Variants in GSTCD observed in about 807,000 individuals in gnomAD.
The protein encoded by GSTCD is glutathione S-transferase C-terminal domain-containing protein.
GSTCD carries 44 observed loss-of-function variants against 68.3 expected under a neutral mutation model. The ratio of observed to expected loss-of-function variants is 0.64; its 90% CI spans 0.51 to 0.83. The LOEUF is 0.83. Among genes scored for constraint, GSTCD ranks in the 40% least tolerant of loss-of-function variants. GSTCD has a pLI of 0.00. For synonymous variants in GSTCD, 273 were observed against 255.2 expected, an observed-to-expected ratio of 1.07 and a Z score of -0.67; for missense variants, 739 against 735.9, an observed-to-expected ratio of 1.00 and a Z score of -0.05.
At position 105,751,406 on chromosome 4, in the gene GSTCD, A is replaced by G. The variant is rs17036185; in HGVS notation, c.1240+21907A>G. On this transcript the variant is annotated intron_variant, in intron 5 of 11. Transcript: ENST00000515279. ...TGTAAATCAAATGATAGTTTAATAC[A>G]AGGCAAGAGCTGCAAAGACATCTGA... Among the ~76,000 whole-genome samples the G allele has an allele frequency of 5.9e-3, 892 of 152,326 alleles. 53 individuals carry two copies. In the East Asian group the frequency reaches 0.14, roughly 24 times the overall value.
intron 5 of GSTCD, among the ~76,000 whole-genome samples, chr4:105,763,040 A>G (rs1734472968): frequency 6.6e-6 from 1 of 152,194 alleles, no homozygotes; most frequent in Non-Finnish European, 1.5e-5. Context: ...CACATTAGGA[A>G]CCAACATCAA....
At position 105,831,513 on chromosome 4, in the gene GSTCD, T is replaced by TA. The variant is rs933765928; in HGVS notation, c.1531-2940dup. Among the ~76,000 whole-genome samples, 17 of 152,124 alleles carry TA rather than the reference T, an allele frequency of 1.1e-4. No individual in the cohort carries two copies. In the South Asian group the frequency reaches 3.3e-3, roughly 30 times the overall value. ...TTGAGATTAAATCTTGGCTCTTTGTTAAAAAAAATATTAACAATTATTTCT... is the reference window on the plus strand; with the variant it reads ...TTGAGATTAAATCTTGGCTCTTTGTTAAAAAAAAATATTAACAATTATTTCT... On this transcript the variant is annotated intron_variant, in intron 8 of 11. Transcript: ENST00000515279.
intron 5 of GSTCD, among the ~76,000 whole-genome samples, chr4:105,788,912 G>A (rs564568649): frequency 1.3e-5 from 2 of 152,086 alleles, no homozygotes; most frequent in South Asian, 4.2e-4. Flanking sequence ...GTGGACAAAT[G>A]TGAATTTCGG....
chr4:105,719,132 G>C lies in GSTCD; in HGVS notation c.499G>C (p.Asp167His). 6.2e-7 allele frequency: 1 copy of C among 1,614,054 alleles called. No individual in the cohort carries two copies. Among genetic ancestry groups the C allele is most frequent in the Non-Finnish European group, 8.5e-7 (1 of 1,179,986 alleles). ...AIENFLRESS[D>H]QPPTIPVEIL... ...TGAGAATTTTCTCAGAGAATCTTCT[G>C]ACCAGCCCCCAACTATACCTGTAGA... The change falls in exon 3 of 12, where the codon GAC (aspartate) becomes CAC (histidine). Residue 167 changes from aspartate to histidine, a missense_variant. By Grantham distance (81) the Asp-to-His change is moderately conservative (BLOSUM62 -1). Coordinates refer to ENST00000515279, the MANE Select transcript of GSTCD (RefSeq NM_001370181.1).
intron 5 of GSTCD, among the ~76,000 whole-genome samples, chr4:105,751,002 G>A (rs1240834874): frequency 2.0e-5 from 3 of 152,156 alleles, no homozygotes; most frequent in African/African-American, 7.2e-5. Context: ...GTAGCAAAGT[G>A]TCCCTTGTGG....
At chr4:105,748,067 C>A (rs879723517) in intron 5 of GSTCD, among the ~76,000 whole-genome samples, 3 of 151,894 alleles carry the variant, frequency 2.0e-5, no homozygotes, top group Non-Finnish European at 4.4e-5. Flanking sequence ...CCAGCCTGTC[C>A]AATAAGGTAA....
intron 4 of GSTCD, among the ~76,000 whole-genome samples, chr4:105,727,085 A>G (rs1230280623): frequency 1.5e-5 from 2 of 134,608 alleles, no homozygotes; most frequent in Non-Finnish European, 3.1e-5. Context: ...CCTTTTCTCA[A>G]AACTTTTTTT....
chr4:105,711,448 A>T (rs932542470), intron 1 of GSTCD, among the ~76,000 whole-genome samples: 8 of 152,246 alleles, frequency 5.3e-5, no homozygotes, highest in African/African-American at 1.9e-4. Context: ...CAATCAATAT[A>T]AATCCTTTAC....
chr4:105,816,008 T>A (rs980456705), intron 5 of GSTCD, among the ~76,000 whole-genome samples: 28 of 152,268 alleles, frequency 1.8e-4, no homozygotes, highest in African/African-American at 6.3e-4. Context: ...AAATTTTTTT[T>A]TTCATCTTAG....
Position 105,708,960 on chromosome 4 carries a change from C to A in GSTCD, c.-78C>A, listed in dbSNP as rs1243506766. ...GGACTGGGCGGGAAGGCGCAGGCGG[C>A]CCAGGTCGCCGACACGCTCACGCAC... is the stretch of plus-strand genomic sequence containing the variant. On this transcript the variant is annotated 5_prime_UTR_variant, in exon 1 of 12. Coordinates refer to ENST00000515279, the MANE Select transcript of GSTCD (RefSeq NM_001370181.1). 1 of 152,704 alleles carries A rather than the reference C, an allele frequency of 6.5e-6. No homozygotes were observed. Among genetic ancestry groups the A allele is most frequent in the East Asian group, 1.9e-4 (1 of 5,188 alleles). The allele number at this position is 152,704 out of a possible 1,614,324, so 9.5% of individuals were successfully genotyped here. A position where few individuals can be genotyped will look rare whatever the true frequency, so the allele number is the denominator to read the frequency against.
intron 5 of GSTCD, among the ~76,000 whole-genome samples, chr4:105,755,146 G>C (rs1013061876): frequency 1.3e-5 from 2 of 149,708 alleles, no homozygotes; most frequent in Non-Finnish European, 3.0e-5. Flanking sequence ...TACTAGGGAG[G>C]CTGAGCAGAA....
At chr4:105,723,723 A>AT (rs1425764869) in intron 3 of GSTCD, among the ~76,000 whole-genome samples, 8 of 151,666 alleles carry the variant, frequency 5.3e-5, no homozygotes, top group African/African-American at 1.9e-4. Flanking sequence ...TATGTAAAAA[A>AT]ATATATAAAT....
At chr4:105,716,617 C>T (rs953393958) in intron 1 of GSTCD, among the ~76,000 whole-genome samples, 2 of 152,156 alleles carry the variant, frequency 1.3e-5, no homozygotes, top group Admixed American at 6.5e-5. Flanking sequence ...GTTGCACTCT[C>T]CTTATGAGAA....
chr4:105,807,018 C>T (rs953075873), intron 5 of GSTCD, among the ~76,000 whole-genome samples: 4 of 152,052 alleles, frequency 2.6e-5, no homozygotes, highest in Admixed American at 6.6e-5. Flanking sequence ...ACGTGCTCCC[C>T]TTTAACAAAA....
intron 5 of GSTCD, among the ~76,000 whole-genome samples, chr4:105,750,476 AAAAG>A (rs1457910867): frequency 1.3e-5 from 2 of 151,838 alleles, no homozygotes; most frequent in African/African-American, 2.4e-5. Context: ...AAAAAAAAAA[AAAAG>A]AAAAGTAACA....
chr4:105,725,829 A>G (rs1432586670), intron 3 of GSTCD, among the ~76,000 whole-genome samples: 2 of 152,136 alleles, frequency 1.3e-5, no homozygotes, highest in Non-Finnish European at 2.9e-5. Flanking sequence ...TAAAATTACA[A>G]TGAGACACTA....
chr4:105,739,239 A>G (rs1393207830), intron 5 of GSTCD, among the ~76,000 whole-genome samples: 3 of 152,088 alleles, frequency 2.0e-5, no homozygotes, highest in Non-Finnish European at 4.4e-5. Flanking sequence ...TCTGTTTGCT[A>G]GTATTTTGTT....
intron 5 of GSTCD, among the ~76,000 whole-genome samples, chr4:105,822,748 A>AC (rs1282707832): frequency 6.6e-6 from 1 of 152,068 alleles, no homozygotes; most frequent in African/African-American, 2.4e-5. Flanking sequence ...AAACAAGCAA[A>AC]AATAAAGTTC....
rs577148658 is a variant in GSTCD at position 105,796,207 on chromosome 4, G to C, written c.1241-26747G>C. ...ACATGGATAGCAGCAGGCAAAGAGA[G>C]AGAGAGCGAGCTTGTGCAGGGAAAC... On this transcript the variant is annotated intron_variant, in intron 5 of 11. Coordinates refer to ENST00000515279, the MANE Select transcript of GSTCD (RefSeq NM_001370181.1). Among the ~76,000 whole-genome samples, 149 of 152,364 alleles carry C rather than the reference G, an allele frequency of 9.8e-4. 1 individual carries two copies. In the South Asian group the frequency reaches 9.9e-3, roughly 10 times the overall value.
Sources: allele counts gnomAD v4.1 joint callset (sites outside exome capture counted in the v4.1 genomes callset), GRCh38; gene constraint gnomAD v4.1.1; transcripts MANE v1.5; gene names NCBI Gene and HGNC (gene_info 2026-07-23, HGNC 2026-07-21).